Variants in UBE3D observed in about 807,000 individuals in gnomAD.
UBE3D encodes E3 ubiquitin-protein ligase E3D.
In UBE3D, 48 loss-of-function variants were observed where a neutral mutation model predicts 49.6. The observed-to-expected ratio is 0.97, with a 90% CI of 0.77 to 1.23. UBE3D has a LOEUF of 1.23. Ranked by LOEUF, UBE3D falls within the 50% of genes most tolerant of loss-of-function variation. UBE3D has a pLI of 0.00. For missense variants in UBE3D, 452 were observed against 468.4 expected, an observed-to-expected ratio of 0.96 and a Z score of 0.32; for synonymous variants, 189 against 174.2, an observed-to-expected ratio of 1.08 and a Z score of -0.67.
intron 8 of UBE3D, among the ~76,000 whole-genome samples, chr6:82,960,421 T>A (rs1472656235): frequency 6.6e-6 from 1 of 152,052 alleles, no homozygotes; most frequent in African/African-American, 2.4e-5. Context: ...TCCACTATTG[T>A]CTTACATATA....
intron 9 of UBE3D, among the ~76,000 whole-genome samples, chr6:82,937,232 A>G (rs549637639): frequency 2.0e-5 from 3 of 152,200 alleles, no homozygotes; most frequent in Non-Finnish European, 4.4e-5. Context: ...GAGGTTCTCA[A>G]TGGAGGCTTG....
chr6:82,898,878 T>G (rs1428714926), intron 9 of UBE3D, among the ~76,000 whole-genome samples: 1 of 152,116 alleles, frequency 6.6e-6, no homozygotes, highest in Non-Finnish European at 1.5e-5. Context: ...GAGGCTAGCT[T>G]CATTCATTCA....
chr6:82,881,717 C>T, the UBE3D span, among the ~76,000 whole-genome samples: 2 of 152,152 alleles, frequency 1.3e-5, no homozygotes, highest in Non-Finnish European at 2.9e-5. Context: ...CTATAGATAG[C>T]ACTGTGATTA....
At chr6:82,985,635 T>C (rs1331569917) in intron 8 of UBE3D, among the ~76,000 whole-genome samples, 1 of 152,220 alleles carries the variant, frequency 6.6e-6, no homozygotes, top group Admixed American at 6.5e-5. Context: ...GTGCTGGGAT[T>C]ACAGGCATCA....
chr6:82,974,112 T>A (rs1273887058), intron 8 of UBE3D, among the ~76,000 whole-genome samples: 1 of 152,156 alleles, frequency 6.6e-6, no homozygotes, highest in African/African-American at 2.4e-5. Context: ...TAATTGGGGT[T>A]TTTGTCATTA....
intron 9 of UBE3D, among the ~76,000 whole-genome samples, chr6:82,924,646 C>A (rs145116612): frequency 0.01 from 1,581 of 152,214 alleles, 13 homozygotes; most frequent in Admixed American, 0.018. Flanking sequence ...ATCACTGAAT[C>A]TTTGCACAAA....
chr6:83,021,269 C>T (rs1035567938), intron 7 of UBE3D, among the ~76,000 whole-genome samples: 1 of 152,000 alleles, frequency 6.6e-6, no homozygotes, highest in African/African-American at 2.4e-5. Context: ...AGCAAGACCT[C>T]GTCTTCACAA....
At chr6:82,989,397 C>A (rs1470035794) in intron 8 of UBE3D, among the ~76,000 whole-genome samples, 1 of 151,994 alleles carries the variant, frequency 6.6e-6, no homozygotes, top group African/African-American at 2.4e-5. Context: ...ATTCACCCAT[C>A]AGTTAGAAAG....
At chr6:82,969,914 A>G (rs1349374829) in intron 8 of UBE3D, among the ~76,000 whole-genome samples, 1 of 151,724 alleles carries the variant, frequency 6.6e-6, no homozygotes, top group African/African-American at 2.4e-5. Flanking sequence ...ATACCAAAAC[A>G]TATAATAAAA....
At chr6:82,946,316 T>A (rs1285600735) in intron 9 of UBE3D, among the ~76,000 whole-genome samples, 1 of 152,090 alleles carries the variant, frequency 6.6e-6, no homozygotes, top group Non-Finnish European at 1.5e-5. Context: ...AGCAGACTTT[T>A]CAGTGGAAAC....
intron 8 of UBE3D, among the ~76,000 whole-genome samples, chr6:82,996,861 T>G (rs1779276828): frequency 6.6e-6 from 1 of 152,180 alleles, no homozygotes; most frequent in Admixed American, 6.5e-5. Flanking sequence ...ATTAATGCAA[T>G]GTGGTATCAT....
rs140526292 is a variant in UBE3D, at chr6:82,941,345, G to T, written c.1149+15967C>A. On this transcript the variant is annotated intron_variant, in intron 9 of 9. Coordinates refer to ENST00000369747, the MANE Select transcript of UBE3D (RefSeq NM_198920.3). ...TATATATATAATTAGGGGAAAACAT[G>T]ACTTAAAAAAAAATAATGGCTATAA... 1.8e-4 allele frequency among the ~76,000 whole-genome samples: 27 copies of T among 146,948 alleles called. No homozygotes were observed. The East Asian group carries it at 5.2e-3, about 28-fold the overall frequency.
intron 8 of UBE3D, among the ~76,000 whole-genome samples, chr6:82,979,745 C>T (rs149198290): frequency 1.3e-3 from 193 of 152,020 alleles, no homozygotes; most frequent in African/African-American, 3.9e-3. Flanking sequence ...TCTCATTACC[C>T]CCCTCACACC....
chr6:82,936,258 T>G (rs1297361223), intron 9 of UBE3D, among the ~76,000 whole-genome samples: 3 of 152,248 alleles, frequency 2.0e-5, no homozygotes, highest in Non-Finnish European at 4.4e-5. Flanking sequence ...AACTCTGCTA[T>G]TTAAAATAAA....
At chr6:82,950,401 T>A (rs140943443) in intron 9 of UBE3D, among the ~76,000 whole-genome samples, 2 of 152,162 alleles carry the variant, frequency 1.3e-5, no homozygotes, top group Non-Finnish European at 2.9e-5. Context: ...GGAACTCTCT[T>A]ACACTGTTGG....
At chr6:82,954,405 T>C (rs1188894195) in intron 9 of UBE3D, among the ~76,000 whole-genome samples, 2 of 152,176 alleles carry the variant, frequency 1.3e-5, no homozygotes, top group African/African-American at 2.4e-5. Context: ...AATGTTACAA[T>C]GTAATTTAAG....
At chr6:83,048,479 C>T (rs1473733946) in intron 3 of UBE3D, among the ~76,000 whole-genome samples, 1 of 152,106 alleles carries the variant, frequency 6.6e-6, no homozygotes, top group Non-Finnish European at 1.5e-5. Flanking sequence ...AATAAACAAA[C>T]CCTCAATACA....
rs545902794 is a variant in UBE3D, at chr6:83,006,691, C to G, written c.1010+12282G>C. Among the ~76,000 whole-genome samples the G allele has an allele frequency of 2.1e-4, 32 of 152,186 alleles. 2 individuals carry two copies. The South Asian group carries it at 6.6e-3, about 32-fold the overall frequency. ...AGTCTGTGGTATTTTGCTATGGCAG[C>G]TCTAGTCAACTATAATATAGTCAAA... is the stretch of plus-strand genomic sequence containing the variant. On this transcript the variant is annotated intron_variant, in intron 8 of 9. Transcript: ENST00000369747.
intron 8 of UBE3D, among the ~76,000 whole-genome samples, chr6:83,015,928 G>A (rs988356435): frequency 6.6e-6 from 1 of 152,156 alleles, no homozygotes; most frequent in African/African-American, 2.4e-5. Flanking sequence ...TTTCATTGGA[G>A]TTTACAAGCT....
Sources: gnomAD v4.1 joint callset for allele counts (sites outside exome capture counted in the v4.1 genomes callset) on GRCh38, gnomAD v4.1.1 for gene constraint, MANE v1.5 for transcripts, NCBI Gene and HGNC (gene_info 2026-07-23, HGNC 2026-07-21) for gene names.